ABLIM2: variants seen among roughly 807,000 people sequenced by gnomAD.
ABLIM2 encodes actin binding LIM protein family member 2.
ABLIM2 carries 53 observed loss-of-function variants against 97.7 expected under a neutral mutation model. The ratio of observed to expected loss-of-function variants is 0.54; its 90% CI spans 0.44 to 0.68. The LOEUF (loss-of-function observed/expected upper bound fraction) is 0.68, where lower values mean the gene tolerates loss of function less well. ABLIM2 is among the 30% of genes least tolerant of loss of function. The pLI is 0.00. For synonymous variants in ABLIM2, 361 were observed against 345.8 expected (o/e 1.04, Z -0.49); for missense variants, 835 against 867.2 (o/e 0.96, Z 0.47).
At chr4:8,073,373 G>C (rs1287954539) in intron 6 of ABLIM2, among the ~76,000 whole-genome samples, 2 of 151,608 alleles carry the variant, frequency 1.3e-5, no homozygotes, top group Non-Finnish European at 2.9e-5. Context: ...AGGGAGCGCA[G>C]TCCAGGACAG....
chr4:7,984,931 C>G (rs748995776), intron 17 of ABLIM2, 38 bp from the exon 18 acceptor site: 1 of 1,596,904 alleles, frequency 6.3e-7, no homozygotes, highest in Non-Finnish European at 8.5e-7. Flanking sequence ...AAGAGACAGG[C>G]GGCACGAGGG....
intron 8 of ABLIM2, among the ~76,000 whole-genome samples, chr4:8,049,212 A>T (rs980946907): frequency 1.3e-5 from 2 of 152,210 alleles, no homozygotes; most frequent in African/African-American, 4.8e-5. Context: ...CTCTATGTTC[A>T]CAGTGCTCAA....
At chr4:8,097,797 C>G (rs1832497377) in intron 2 of ABLIM2, among the ~76,000 whole-genome samples, 1 of 152,176 alleles carries the variant, frequency 6.6e-6, no homozygotes, top group Admixed American at 6.5e-5. Flanking sequence ...CTTCCCACCC[C>G]CTCCCCCACT....
chr4:7,999,706 G>A lies in ABLIM2; in HGVS notation c.1619-6779C>T, dbSNP rs1240729539. Among the ~76,000 whole-genome samples the A allele has an allele frequency of 6.6e-6, 1 of 152,176 alleles. No individual in the cohort carries two copies. The highest frequency in any genetic ancestry group is 2.4e-5 in the African/African-American group (1 of 41,426). On this transcript the variant is annotated intron_variant, in intron 16 of 20. Transcript: ENST00000447017. The surrounding 1 kb of genome is among the most constrained non-coding windows in gnomAD (Gnocchi z 4.4). ...CAGGGAGAAGGCAGGTAGGGGGCCA[G>A]GAGCATGGCGGCAACTGGGTAGTCC...
At chr4:8,024,924 T>C (rs958404831) in intron 12 of ABLIM2, among the ~76,000 whole-genome samples, 2 of 152,118 alleles carry the variant, frequency 1.3e-5, no homozygotes, top group Admixed American at 6.5e-5. Flanking sequence ...CTTTTTGTGA[T>C]TTCTTTTTTC....
intron 9 of ABLIM2, among the ~76,000 whole-genome samples, chr4:8,036,777 AGAC>A (rs1047038915): frequency 6.6e-6 from 1 of 152,228 alleles, no homozygotes; most frequent in African/African-American, 2.4e-5. Flanking sequence ...GCAGGCAGTG[AGAC>A]TCAGTCCATG....
intron 7 of ABLIM2, among the ~76,000 whole-genome samples, chr4:8,059,564 C>A (rs548535658): frequency 2.0e-5 from 3 of 152,090 alleles, no homozygotes; most frequent in Non-Finnish European, 4.4e-5. Context: ...CACCTTTCTT[C>A]TTTGTTGTAG....
chr4:7,968,004 T>C (rs774119443), intron 20 of ABLIM2, among the ~76,000 whole-genome samples: 10 of 152,234 alleles, frequency 6.6e-5, no homozygotes, highest in Non-Finnish European at 1.2e-4. Flanking sequence ...CCTGCCTGTC[T>C]TCCTCAGCAG....
At chr4:8,028,977 A>G (rs985263601) in intron 11 of ABLIM2, among the ~76,000 whole-genome samples, 3 of 152,234 alleles carry the variant, frequency 2.0e-5, no homozygotes, top group Non-Finnish European at 2.9e-5. Context: ...AAATCCCTCG[A>G]AAGGCAGTGT....
intron 6 of ABLIM2, among the ~76,000 whole-genome samples, chr4:8,063,316 T>C (rs997120075): frequency 6.6e-6 from 1 of 152,210 alleles, no homozygotes; most frequent in Non-Finnish European, 1.5e-5. Flanking sequence ...CTGCCCCCCT[T>C]GGCTTCCCAA....
intron 6 of ABLIM2, among the ~76,000 whole-genome samples, chr4:8,066,031 G>A (rs28405896): frequency 0.062 from 9,023 of 146,488 alleles, 527 homozygotes; most frequent in African/African-American, 0.14. Flanking sequence ...GCCGGGTGCG[G>A]TGGCTCATGC....
rs145850437 is a variant in ABLIM2 at position 8,000,751 on chromosome 4, G to C, written c.1618+7308C>G. On this transcript the variant is annotated intron_variant, in intron 16 of 20. Transcript: ENST00000447017. ...GCGGCCAATCACAAGCACGGATGGCGAGGCTGCTGCCTGGGAACGGGAGGC... is the reference window on the plus strand; with the variant it reads ...GCGGCCAATCACAAGCACGGATGGCCAGGCTGCTGCCTGGGAACGGGAGGC... 2.0e-4 allele frequency among the ~76,000 whole-genome samples: 31 copies of C among 152,264 alleles called. No individual in the cohort carries two copies. In the East Asian group the frequency reaches 5.0e-3, roughly 25 times the overall value.
At chr4:8,040,620 A>AAAAAAG (rs1787777451) in intron 9 of ABLIM2, among the ~76,000 whole-genome samples, 1 of 150,314 alleles carries the variant, frequency 6.7e-6, no homozygotes, top group Non-Finnish European at 1.5e-5. Flanking sequence ...CAAAAAAAAA[A>AAAAAAG]AAAAGAAAAG....
chr4:8,041,109 TC>T (rs564921255), intron 9 of ABLIM2, among the ~76,000 whole-genome samples: 16 of 152,188 alleles, frequency 1.1e-4, no homozygotes, highest in Non-Finnish European at 2.4e-4. Context: ...GAGCAGGAAG[TC>T]CATCAAAGCT....
At chr4:7,983,667 TG>T in intron 18 of ABLIM2, 113 bp from the exon 19 acceptor site, 1 of 1,306,338 alleles carries the variant, frequency 7.7e-7, no homozygotes, top group Non-Finnish European at 1.1e-6. Context: ...TGCAGTCACC[TG>T]GGCCATGCAT....
intron 1 of ABLIM2, among the ~76,000 whole-genome samples, chr4:8,145,825 A>G (rs1041372461): frequency 1.1e-4 from 16 of 151,490 alleles, no homozygotes; most frequent in African/African-American, 3.9e-4. Context: ...AATACCGCTC[A>G]CAGCCCTAGC....
At chr4:8,007,659 C>T in intron 16 of ABLIM2, 1 of 1,003,284 alleles carries the variant, frequency 1.0e-6, no homozygotes, top group South Asian at 4.5e-5. Context: ...GGGATGGTGC[C>T]CATCACCAAC....
At chr4:7,983,510 G>A (rs776029845) in intron 19 of ABLIM2, 37 bp downstream of exon 19, 11 of 1,612,366 alleles carry the variant, frequency 6.8e-6, no homozygotes, top group African/African-American at 2.7e-5. Flanking sequence ...CAGGTGTGGC[G>A]CGGCACGGAG....
At chr4:7,993,816 G>C in intron 16 of ABLIM2, 2 of 444,684 alleles carry the variant, frequency 4.5e-6, no homozygotes, top group Non-Finnish European at 9.0e-6. Flanking sequence ...GGCAAGGCTC[G>C]CTGGGGCTGT....
Sources: gnomAD v4.1 joint callset for allele counts (sites outside exome capture counted in the v4.1 genomes callset) on GRCh38, gnomAD v4.1.1 for gene constraint, Gnocchi (gnomAD v3.1) non-coding constraint, MANE v1.5 for transcripts, NCBI Gene and HGNC (gene_info 2026-07-23, HGNC 2026-07-21) for gene names.